RUNX1T1: variants seen among roughly 807,000 people sequenced by gnomAD.
The protein encoded by RUNX1T1 is protein CBFA2T1.
RUNX1T1 carries 4 observed loss-of-function variants against 62.8 expected under a neutral mutation model. The observed-to-expected ratio is 0.06, with a 90% CI of 0.03 to 0.15. The LOEUF is 0.15. Ranked by LOEUF, RUNX1T1 falls within the 10% of genes least tolerant of loss-of-function variation. RUNX1T1 has a pLI of 1.00. For missense variants in RUNX1T1, 508 were observed against 754.3 expected (o/e 0.67, Z 3.82); for synonymous variants, 291 against 286.0 (o/e 1.02, Z -0.18).
chr8:92,042,155 C>T (rs1828597700), intron 1 of RUNX1T1, among the ~76,000 whole-genome samples: 1 of 152,028 alleles, frequency 6.6e-6, no homozygotes, highest in Non-Finnish European at 1.5e-5. Context: ...CATATGTAAA[C>T]ATTCTCTGGT....
Position 92,014,362 on chromosome 8 carries a change from T to C in RUNX1T1, c.387+217A>G, listed in dbSNP as rs1171311865. The stretch of plus-strand genomic sequence containing the variant: ...CAATAAATTTGTATAACCATATCTT[T>C]ATTAGTCAAACAGTGAGAAAAAAAA... On this transcript the variant is annotated intron_variant, in intron 3 of 10. Transcript: ENST00000396218. Among the ~76,000 whole-genome samples, 7 of 152,154 alleles carry C rather than the reference T, an allele frequency of 4.6e-5. No homozygotes were observed. The South Asian group carries it at 1.2e-3, about 27-fold the overall frequency.
intron 2 of RUNX1T1, 67 bp from the exon 4 acceptor site, chr8:92,014,887 C>G: frequency 6.9e-7 from 1 of 1,458,296 alleles, no homozygotes; most frequent in Non-Finnish European, 9.2e-7. Context: ...GAAATTGCCA[C>G]CAAGTTTCCT....
intron 5 of RUNX1T1, among the ~76,000 whole-genome samples, chr8:91,992,538 CAGAAAGTTCTATA>C (rs1343766835): frequency 6.6e-6 from 1 of 152,200 alleles, no homozygotes; most frequent in Non-Finnish European, 1.5e-5. Context: ...TCCATCATCA[CAGAAAGTTCTATA>C]GGAAAGTAAG....
intron 1 of RUNX1T1, among the ~76,000 whole-genome samples, chr8:92,092,398 T>C (rs896948446): frequency 3.9e-5 from 6 of 152,208 alleles, no homozygotes; most frequent in East Asian, 1.9e-4. Context: ...CTATAGAAGC[T>C]AAAGCTTTTG....
At chr8:91,962,168 GA>G (rs1166478176) in intron 10 of RUNX1T1, among the ~76,000 whole-genome samples, 5 of 152,162 alleles carry the variant, frequency 3.3e-5, no homozygotes, top group African/African-American at 1.2e-4. Flanking sequence ...TTGAACTCAA[GA>G]ACTCCAATTT....
chr8:92,014,870 G>A, intron 2 of RUNX1T1, 50 bp from the exon 4 acceptor site: 17 of 1,515,964 alleles, frequency 1.1e-5, no homozygotes, highest in Non-Finnish European at 1.5e-5. Context: ...CAGAGAACAT[G>A]CATGAGGAAA....
At chr8:92,017,467 A>G (rs2131171063) in intron 1 of RUNX1T1, 104 bp from the exon 3 acceptor site, 2 of 1,577,202 alleles carry the variant, frequency 1.3e-6, no homozygotes, top group Non-Finnish European at 1.7e-6. Context: ...GAAATTCAAC[A>G]TCTTCTATCA....
At chr8:91,995,162 T>A (rs1818423233) in intron 5 of RUNX1T1, among the ~76,000 whole-genome samples, 2 of 152,206 alleles carry the variant, frequency 1.3e-5, no homozygotes, top group Non-Finnish European at 2.9e-5. Context: ...ACTTACTAGT[T>A]TTCTCTCTCC....
intron 4 of RUNX1T1, among the ~76,000 whole-genome samples, chr8:92,009,298 T>C (rs190941787): frequency 6.6e-6 from 1 of 152,324 alleles, no homozygotes. Flanking sequence ...GCGGGTTACA[T>C]TAGCTTAATG....
At chr8:92,102,828 G>C (rs1260224133), upstream of RUNX1T1, 4 of 1,496,474 alleles carry the variant, frequency 2.7e-6, no homozygotes, top group East Asian at 1.1e-4. This position sits in a 1 kb window ranked among gnomAD's most constrained non-coding sequence, Gnocchi z 4.5. Context: ...CCGCCCGCCC[G>C]CCGGCCAAGC....
chr8:92,021,903 A>G (rs1342669264), intron 1 of RUNX1T1, among the ~76,000 whole-genome samples: 2 of 147,214 alleles, frequency 1.4e-5, no homozygotes, highest in African/African-American at 5.1e-5. Flanking sequence ...TGTTTCCCTC[A>G]TCTAGAATGA....
At chr8:92,073,953 C>T (rs1834044253) in intron 2 of RUNX1T1, among the ~76,000 whole-genome samples, 1 of 152,142 alleles carries the variant, frequency 6.6e-6, no homozygotes, top group Non-Finnish European at 1.5e-5. Context: ...CTGCCTCAGC[C>T]CCTCAAAGTG....
chr8:92,033,814 A>G (rs538419938), intron 1 of RUNX1T1, among the ~76,000 whole-genome samples: 1 of 152,102 alleles, frequency 6.6e-6, no homozygotes, highest in Non-Finnish European at 1.5e-5. Context: ...CACTAAAAAT[A>G]CAAAAATTAG....
At chr8:92,052,267 C>T (rs192334036) in intron 1 of RUNX1T1, among the ~76,000 whole-genome samples, 161 of 152,288 alleles carry the variant, frequency 1.1e-3, no homozygotes, top group Admixed American at 8.0e-3. Flanking sequence ...AAATTGAAGT[C>T]TACCTAAATA....
chr8:92,079,436 G>T (rs547370119), intron 1 of RUNX1T1, among the ~76,000 whole-genome samples: 1 of 152,114 alleles, frequency 6.6e-6, no homozygotes, highest in South Asian at 2.1e-4. Flanking sequence ...GTAAGCAATT[G>T]TGTGTCCCTC....
At chr8:92,029,073 A>T (rs1825773310) in intron 1 of RUNX1T1, among the ~76,000 whole-genome samples, 1 of 152,236 alleles carries the variant, frequency 6.6e-6, no homozygotes, top group Non-Finnish European at 1.5e-5. Context: ...AGTAATTAGC[A>T]AATCAAGAGA....
chr8:92,046,445 C>T (rs991942252), intron 1 of RUNX1T1, among the ~76,000 whole-genome samples: 3 of 152,278 alleles, frequency 2.0e-5, no homozygotes, highest in South Asian at 4.1e-4. Context: ...CTTACTGCAA[C>T]GTCCATCTCC....
intron 2 of RUNX1T1, among the ~76,000 whole-genome samples, chr8:92,072,316 GTTTA>G (rs1833809052): frequency 6.6e-6 from 1 of 151,960 alleles, no homozygotes; most frequent in African/African-American, 2.4e-5. Context: ...CTATGATCTG[GTTTA>G]TTATGTTTCA....
At chr8:92,046,718 G>A (rs943843548) in intron 1 of RUNX1T1, among the ~76,000 whole-genome samples, 2 of 152,106 alleles carry the variant, frequency 1.3e-5, no homozygotes, top group Non-Finnish European at 2.9e-5. Context: ...GCAAATGCCT[G>A]TTTTGGGTAT....
Sources: allele counts gnomAD v4.1 joint callset (sites outside exome capture counted in the v4.1 genomes callset), GRCh38; gene constraint gnomAD v4.1.1; non-coding constraint Gnocchi (gnomAD v3.1); transcripts MANE v1.5; gene names NCBI Gene and HGNC (gene_info 2026-07-23, HGNC 2026-07-21).